Variants in ARID1B observed in about 807,000 individuals in gnomAD.
The protein encoded by ARID1B is AT-rich interaction domain 1B.
In ARID1B, 30 loss-of-function variants were observed where a neutral mutation model predicts 212.3. The ratio of observed to expected loss-of-function variants is 0.14; its 90% CI spans 0.11 to 0.19. The LOEUF is 0.19. Among genes scored for constraint, ARID1B ranks in the 10% least tolerant of loss-of-function variants. The pLI is 1.00. For synonymous variants in ARID1B, 1,402 were observed against 1,301.7 expected (o/e 1.08, Z -1.66); for missense variants, 2,891 against 3,204.0 (o/e 0.90, Z 2.36).
At position 157,175,126 on chromosome 6, in the gene ARID1B, T is replaced by A. The variant is rs556235658; in HGVS notation, c.3504+121T>A. The A allele has an allele frequency of 2.7e-5, 24 of 888,800 alleles. No homozygotes were observed. The African/African-American group carries it at 3.5e-4, about 13-fold the overall frequency. 55.1% of individuals were successfully genotyped at this position (888,800 alleles called of 1,614,324 possible). A position where few individuals can be genotyped will look rare whatever the true frequency, so the allele number is the denominator to read the frequency against. On this transcript the variant is annotated intron_variant, in intron 11 of 19. Coordinates refer to ENST00000636930, the MANE Select transcript of ARID1B (RefSeq NM_001374828.1). ...TTTGTTTTGTAAGACTTTTTCTTCA[T>A]TATTTATCCATGAAAGGGTTTTCTT...
At position 156,778,333 on chromosome 6, in the gene ARID1B, C is replaced by CCAA. The variant is rs1429292576; in HGVS notation, c.662_664dup (p.Asn221dup). On this transcript the variant is annotated inframe_insertion, in exon 1 of 20. Transcript: ENST00000636930. ...CAGCAGCAACAGCAACATCCCATTT[C>CCAA]CAACAACAACAGCTTGGGCGGCGCG... The CCAA allele has an allele frequency of 6.5e-7, 1 of 1,543,030 alleles. No homozygotes were observed. Among genetic ancestry groups the CCAA allele is most frequent in the South Asian group, 1.2e-5 (1 of 83,896 alleles).
intron 11 of ARID1B, among the ~76,000 whole-genome samples, chr6:157,178,761 A>G (rs1792294751): frequency 1.3e-5 from 2 of 152,244 alleles, no homozygotes; most frequent in Non-Finnish European, 1.5e-5. Context: ...GTTAATATAT[A>G]GTCAAACTGT....
chr6:156,797,053 G>T (rs142831119), intron 1 of ARID1B, among the ~76,000 whole-genome samples: 245 of 152,338 alleles, frequency 1.6e-3, no homozygotes, highest in African/African-American at 5.5e-3. Context: ...TTGATTGCCA[G>T]CAGCTGCCAG....
intron 5 of ARID1B, among the ~76,000 whole-genome samples, chr6:157,106,270 G>C (rs899465166): frequency 2.6e-5 from 4 of 152,126 alleles, no homozygotes; most frequent in Non-Finnish European, 4.4e-5. Flanking sequence ...CTTAAAACAA[G>C]GCACATTCAT....
Position 156,778,108 on chromosome 6 carries a change from A to G in ARID1B, c.428A>G (p.Glu143Gly), listed in dbSNP as rs1778779311. 1.3e-6 allele frequency: 2 copies of G among 1,540,462 alleles called. No homozygotes were observed. Among genetic ancestry groups the G allele is most frequent in the Non-Finnish European group, 8.7e-7 (1 of 1,146,114 alleles). Residue 143 changes from glutamate (E) to glycine (G), a missense_variant, in exon 1 of 20, where the codon GAG (glutamate) becomes GGG (glycine). By Grantham distance (98) the Glu-to-Gly change is moderately conservative (BLOSUM62 -2). Transcript: ENST00000636930. Reference sequence around the variant, plus strand: ...TCGTCGGGCCCGGGCTCGGCCATGGAGACGGGGCTGCTCCCCAACCACAAA... The same window carrying G: ...TCGTCGGGCCCGGGCTCGGCCATGGGGACGGGGCTGCTCCCCAACCACAAA... ...SSSSGPGSAMETGLLPNHKLK... is the reference protein window; with the variant it reads ...SSSSGPGSAMGTGLLPNHKLK...
chr6:156,944,959 G>A (rs1792962726), intron 4 of ARID1B, among the ~76,000 whole-genome samples: 1 of 140,304 alleles, frequency 7.1e-6, no homozygotes, highest in African/African-American at 2.7e-5. Context: ...GTCTCGCTGT[G>A]TCGCCCAGGC....
intron 1 of ARID1B, among the ~76,000 whole-genome samples, chr6:156,801,217 T>C (rs1037185538): frequency 4.7e-5 from 7 of 149,982 alleles, no homozygotes; most frequent in Non-Finnish European, 7.4e-5. Context: ...TTTTTTTTTT[T>C]TGAGGCGGAG....
chr6:157,162,859 C>T (rs142271819), intron 8 of ARID1B, among the ~76,000 whole-genome samples: 1 of 152,056 alleles, frequency 6.6e-6, no homozygotes, highest in Non-Finnish European at 1.5e-5. Context: ...TGTCTCCTTA[C>T]CCCCCTGAGA....
intron 8 of ARID1B, among the ~76,000 whole-genome samples, chr6:157,156,131 C>G (rs888340902): frequency 2.0e-5 from 3 of 152,180 alleles, no homozygotes; most frequent in African/African-American, 7.2e-5. Flanking sequence ...CGAAATGTGT[C>G]AAGCCCCAGT....
At chr6:156,895,999 A>G (rs1365488639) in intron 2 of ARID1B, among the ~76,000 whole-genome samples, 1 of 152,206 alleles carries the variant, frequency 6.6e-6, no homozygotes, top group Non-Finnish European at 1.5e-5. Context: ...CTTTCTTTTT[A>G]AACTCAACAT....
At chr6:156,801,741 T>C (rs1441514008) in intron 1 of ARID1B, among the ~76,000 whole-genome samples, 1 of 152,158 alleles carries the variant, frequency 6.6e-6, no homozygotes, top group Non-Finnish European at 1.5e-5. Context: ...TGTGGAAGGC[T>C]GTTTTACTTC....
At chr6:157,039,681 CCTTCCTTCCTTCCTTCTTT>C in intron 4 of ARID1B, among the ~76,000 whole-genome samples, 2 of 88,578 alleles carry the variant, frequency 2.3e-5, no homozygotes, top group Admixed American at 1.1e-4. Flanking sequence ...TTCCTTCCTT[CCTTCCTTCCTTCCTTCTTT>C]CTTTCCTTTC....
intron 2 of ARID1B, among the ~76,000 whole-genome samples, chr6:156,894,988 T>G (rs1788267157): frequency 6.6e-6 from 1 of 152,170 alleles, no homozygotes; most frequent in Admixed American, 6.5e-5. Flanking sequence ...TGAACTGAAC[T>G]AGCAAGGGCC....
rs1428242349 is a variant in ARID1B, at chr6:156,778,219, CCCACCACCT to C, written c.548_556del (p.Leu183_His185del). On this transcript the variant is annotated inframe_deletion, in exon 1 of 20. Coordinates refer to ENST00000636930, the MANE Select transcript of ARID1B (RefSeq NM_001374828.1). ...CATGCCCACCACCACCACCACCATG[CCCACCACCT>C]CCACCACCACCACGCACTACAGCAG... The C allele has an allele frequency of 4.5e-6, 7 of 1,538,782 alleles. No individual in the cohort carries two copies. The highest frequency in any genetic ancestry group is 2.4e-5 in the East Asian group (1 of 40,822).
chr6:156,856,091 T>G (rs1739278248), intron 2 of ARID1B, among the ~76,000 whole-genome samples: 1 of 152,206 alleles, frequency 6.6e-6, no homozygotes. Context: ...AGGGTTGTTA[T>G]GAGGACAACA....
At chr6:157,126,121 C>A (rs1352592299) in intron 6 of ARID1B, among the ~76,000 whole-genome samples, 1 of 152,046 alleles carries the variant, frequency 6.6e-6, no homozygotes, top group Non-Finnish European at 1.5e-5. Flanking sequence ...CAGATAGAAC[C>A]CCGCGCAGTG....
At chr6:157,187,264 G>C (rs545738884) in intron 13 of ARID1B, among the ~76,000 whole-genome samples, 1 of 152,312 alleles carries the variant, frequency 6.6e-6, no homozygotes, top group South Asian at 2.1e-4. Flanking sequence ...GGTGGGGCAT[G>C]GAGCTCCACA....
At chr6:156,921,003 G>GTAAT (rs1334703270) in intron 3 of ARID1B, among the ~76,000 whole-genome samples, 13 of 152,010 alleles carry the variant, frequency 8.6e-5, no homozygotes, top group East Asian at 5.8e-4. Flanking sequence ...ATTACAGGCA[G>GTAAT]TAATTAATTA....
At position 157,190,703 on chromosome 6, in the gene ARID1B, C is replaced by A. The variant is rs922793796; in HGVS notation, c.4231+493C>A. 6.6e-6 allele frequency among the ~76,000 whole-genome samples: 1 copy of A among 152,196 alleles called. No individual in the cohort carries two copies. The highest frequency in any genetic ancestry group is 1.5e-5 in the Non-Finnish European group (1 of 68,036). On this transcript the variant is annotated intron_variant, in intron 15 of 19. Transcript: ENST00000636930. This position sits in a 1 kb window ranked among gnomAD's most constrained non-coding sequence, Gnocchi z 4.6. Reference sequence around the variant, plus strand: ...GTCGCTGCCCACCTTCAGGGAATCACAGACTCCCTGCCTTCTTACTTCCTG... The same window carrying A: ...GTCGCTGCCCACCTTCAGGGAATCAAAGACTCCCTGCCTTCTTACTTCCTG...
Sources: allele counts gnomAD v4.1 joint callset (sites outside exome capture counted in the v4.1 genomes callset), GRCh38; gene constraint gnomAD v4.1.1; non-coding constraint Gnocchi (gnomAD v3.1); transcripts MANE v1.5; gene names NCBI Gene and HGNC (gene_info 2026-07-23, HGNC 2026-07-21).